GIPC2: variants seen among roughly 807,000 people sequenced by gnomAD.
GIPC2 encodes PDZ domain-containing protein GIPC2.
Under a neutral mutation model 30.6 loss-of-function variants are expected in GIPC2, and 30 were observed. The observed-to-expected ratio is 0.98, with a 90% CI of 0.73 to 1.33. The LOEUF (loss-of-function observed/expected upper bound fraction) is 1.33. GIPC2 is among the 40% of genes most tolerant of loss of function. The pLI is 0.00. For synonymous variants in GIPC2, 167 were observed against 150.0 expected (o/e 1.11, Z -0.83); for missense variants, 414 against 390.3 (o/e 1.06, Z -0.51).
chr1:78,047,567 G>A (rs1661119215), intron 1 of GIPC2, among the ~76,000 whole-genome samples: 1 of 150,394 alleles, frequency 6.6e-6, no homozygotes, highest in Admixed American at 6.6e-5. Context: ...ACTTTCCTTT[G>A]ATCTCTAGGG....
At chr1:78,104,182 A>AGGGGGGGGGGGGG (rs150902349) in intron 3 of GIPC2, among the ~76,000 whole-genome samples, 1 of 143,596 alleles carries the variant, frequency 7.0e-6, no homozygotes, top group African/African-American at 2.7e-5. Flanking sequence ...TAGAGGGGGG[A>AGGGGGGGGGGGGG]GAGGGGGCCG....
intron 5 of GIPC2, among the ~76,000 whole-genome samples, chr1:78,131,732 T>C (rs1428671392): frequency 3.3e-5 from 5 of 152,342 alleles, no homozygotes; most frequent in African/African-American, 1.2e-4. Flanking sequence ...AAAAGCTATG[T>C]TCACCAAACC....
chr1:78,045,659 C>T, upstream of GIPC2: 1 of 985,466 alleles, frequency 1.0e-6, no homozygotes, highest in Non-Finnish European at 1.2e-6. Context: ...ATCCCTATCC[C>T]CGAAAGTCCA....
chr1:78,119,625 G>A (rs962353342), intron 4 of GIPC2, 126 bp downstream of exon 4: 13 of 607,742 alleles, frequency 2.1e-5, no homozygotes, highest in African/African-American at 2.0e-4. Flanking sequence ...AATTACTGAA[G>A]GTATTTAAAA....
At chr1:78,062,992 A>G (rs1324824485) in intron 1 of GIPC2, among the ~76,000 whole-genome samples, 1 of 152,204 alleles carries the variant, frequency 6.6e-6, no homozygotes, top group Non-Finnish European at 1.5e-5. Context: ...ATCTGACGTC[A>G]AAGTCTGTAT....
intron 5 of GIPC2, among the ~76,000 whole-genome samples, chr1:78,128,864 G>C (rs1662835871): frequency 6.6e-6 from 1 of 151,850 alleles, no homozygotes; most frequent in Non-Finnish European, 1.5e-5. Flanking sequence ...AATTAGCCAG[G>C]CATGGTGGCA....
intron 5 of GIPC2, among the ~76,000 whole-genome samples, chr1:78,133,850 A>G (rs1347032740): frequency 6.6e-6 from 1 of 151,828 alleles, no homozygotes; most frequent in South Asian, 2.1e-4. Context: ...ATATATTACC[A>G]TCATTACTTA....
At position 78,095,046 on chromosome 1, in the gene GIPC2, G is replaced by A. The variant is rs143579527; in HGVS notation, c.521G>A (p.Arg174His). Residue 174 changes from arginine (R) to histidine (H), a missense_variant, in exon 3 of 6, where the codon CGT (arginine) becomes CAT (histidine). Coordinates refer to ENST00000370759, the MANE Select transcript of GIPC2 (RefSeq NM_017655.6). ...AATGGAGAAAATATTGTTGGGTGGC[G>A]TCACTATGATGTTGCTAAGAAGTTA... ...SINGENIVGW[R>H]HYDVAKKLKE... The A allele has an allele frequency of 1.7e-5, 28 of 1,606,888 alleles. No homozygotes were observed. Among genetic ancestry groups the A allele is most frequent in the East Asian group, 1.6e-4 (7 of 44,816 alleles).
intron 3 of GIPC2, among the ~76,000 whole-genome samples, chr1:78,103,185 G>A (rs1261989844): frequency 6.6e-6 from 1 of 152,152 alleles, no homozygotes; most frequent in East Asian, 1.9e-4. Context: ...TGTCCTCAGG[G>A]AACTTACAGT....
intron 4 of GIPC2, among the ~76,000 whole-genome samples, chr1:78,123,067 C>T (rs1263894124): frequency 6.6e-6 from 1 of 152,008 alleles, no homozygotes; most frequent in Non-Finnish European, 1.5e-5. Context: ...CGAGACTAGC[C>T]TGGCCAATGT....
chr1:78,080,602 A>C, intron 1 of GIPC2, 73 bp from the exon 2 acceptor site: 1 of 798,606 alleles, frequency 1.3e-6, no homozygotes, highest in Middle Eastern at 2.5e-4. Context: ...CAGTCAATAA[A>C]TGTTTATAAA....
At position 78,135,859 on chromosome 1, in the gene GIPC2, T is replaced by TACAC; in HGVS notation, c.*117_*118insCACA. On this transcript the variant is annotated 3_prime_UTR_variant, in exon 6 of 6. Coordinates refer to ENST00000370759, the MANE Select transcript of GIPC2 (RefSeq NM_017655.6). ...ACTAACTCTGGTTTAATTTCATGTG[T>TACAC]ATGGAATATATTCTTTGAAATATAA... The TACAC allele has an allele frequency of 1.3e-6, 1 of 762,804 alleles. No individual in the cohort carries two copies. The highest frequency in any genetic ancestry group is 2.1e-6 in the Non-Finnish European group (1 of 474,692). 47.3% of individuals were successfully genotyped at this position (762,804 alleles called of 1,614,324 possible).
intron 1 of GIPC2, among the ~76,000 whole-genome samples, chr1:78,074,567 G>A (rs1290814380): frequency 2.0e-5 from 3 of 152,084 alleles, no homozygotes; most frequent in African/African-American, 7.2e-5. Flanking sequence ...CTTTAATAAT[G>A]CCACAATTTA....
chr1:78,070,102 G>A (rs1661589668), intron 1 of GIPC2, among the ~76,000 whole-genome samples: 1 of 152,116 alleles, frequency 6.6e-6, no homozygotes, highest in Admixed American at 6.5e-5. Context: ...AGTGCTCTAC[G>A]AACTTCTGCC....
intron 3 of GIPC2, among the ~76,000 whole-genome samples, chr1:78,104,793 G>A (rs1231838148): frequency 1.3e-5 from 2 of 152,112 alleles, no homozygotes; most frequent in African/African-American, 4.8e-5. Context: ...GACAGTCAGG[G>A]ATAAAAGTTC....
At chr1:78,123,556 G>A (rs1662725046) in intron 4 of GIPC2, among the ~76,000 whole-genome samples, 1 of 152,142 alleles carries the variant, frequency 6.6e-6, no homozygotes, top group Non-Finnish European at 1.5e-5. Context: ...AAAATCCCTT[G>A]GTTCCAGGGT....
At chr1:78,088,004 T>C (rs1416329314) in intron 2 of GIPC2, among the ~76,000 whole-genome samples, 1 of 151,870 alleles carries the variant, frequency 6.6e-6, no homozygotes. Flanking sequence ...AAAAAAAAGC[T>C]GAACCTCACT....
chr1:78,105,752 A>G lies in GIPC2; in HGVS notation c.607+10620A>G, dbSNP rs186384600. 2.0e-3 allele frequency among the ~76,000 whole-genome samples: 312 copies of G among 152,342 alleles called. 4 individuals carry two copies. Among genetic ancestry groups the G allele is most frequent in the African/African-American group, 6.7e-3 (280 of 41,574 alleles). The stretch of plus-strand genomic sequence containing the variant: ...AAGTGGCTTTTCTAATCTGAATAGT[A>G]TGACTATAATGTTATTTATTAGAAA... On this transcript the variant is annotated intron_variant, in intron 3 of 5. Transcript: ENST00000370759.
intron 1 of GIPC2, among the ~76,000 whole-genome samples, chr1:78,067,840 T>C (rs540293811): frequency 6.6e-6 from 1 of 152,172 alleles, no homozygotes; most frequent in African/African-American, 2.4e-5. Context: ...AAGAACAAAT[T>C]TAATGTCTAT....
Sources: allele counts gnomAD v4.1 joint callset (sites outside exome capture counted in the v4.1 genomes callset), GRCh38; gene constraint gnomAD v4.1.1; transcripts MANE v1.5; gene names NCBI Gene and HGNC (gene_info 2026-07-23, HGNC 2026-07-21).